SI: variants seen among roughly 807,000 people sequenced by gnomAD.
The protein encoded by SI is sucrase-isomaltase, intestinal.
SI carries 235 observed loss-of-function variants against 253.3 expected under a neutral mutation model. That is an observed-to-expected ratio of 0.93 (90% CI 0.83 to 1.03). The LOEUF is 1.03. Among genes scored for constraint, SI ranks in the 50% least tolerant of loss-of-function variants. The pLI is 0.00. For missense variants in SI, 2,442 were observed against 2,211.1 expected (o/e 1.10, Z -2.09); for synonymous variants, 819 against 712.0 (o/e 1.15, Z -2.39).
chr3:165,034,436 G>A (rs999338311), intron 22 of SI, among the ~76,000 whole-genome samples: 2 of 151,860 alleles, frequency 1.3e-5, no homozygotes, highest in African/African-American at 4.8e-5. Context: ...ATCAATGGAG[G>A]TATTATCTCA....
chr3:165,045,478 C>T (rs1003069366), intron 16 of SI, among the ~76,000 whole-genome samples: 4 of 151,814 alleles, frequency 2.6e-5, no homozygotes. Flanking sequence ...CTTTTTTTAA[C>T]AAATATGCTA....
chr3:164,985,807 C>T (rs1717407013), intron 45 of SI, among the ~76,000 whole-genome samples: 1 of 151,920 alleles, frequency 6.6e-6, no homozygotes, highest in African/African-American at 2.4e-5. Context: ...ATAAAAATCT[C>T]CTATGGGAGA....
chr3:164,987,476 C>A (rs2108117637), intron 44 of SI, among the ~76,000 whole-genome samples: 1 of 152,228 alleles, frequency 6.6e-6, no homozygotes, highest in African/African-American at 2.4e-5. Context: ...TTTGGGAGGC[C>A]AAGGCGGGTG....
chr3:165,046,932 G>T lies in SI; in HGVS notation c.1796C>A (p.Ala599Glu). The change falls in exon 16 of 48, where the codon GCG becomes GAG. Residue 599 changes from alanine (A) to glutamate (E), a missense_variant. Coordinates refer to ENST00000264382, the MANE Select transcript of SI (RefSeq NM_001041.4). ...STFAGSGRHA[A>E]HWLGDNTASW... ...AGCAGTATTGTCTCCTAACCAATGC[G>T]CAGCATGTCTTCCAGATCCAGCAAA... The T allele has an allele frequency of 6.2e-7, 1 of 1,612,472 alleles. No individual in the cohort carries two copies. Among genetic ancestry groups the T allele is most frequent in the South Asian group, 1.1e-5 (1 of 90,784 alleles).
intron 3 of SI, among the ~76,000 whole-genome samples, chr3:165,069,756 C>T (rs1368588198): frequency 6.6e-6 from 1 of 151,650 alleles, no homozygotes; most frequent in African/African-American, 2.4e-5. Flanking sequence ...ACTGAATTCT[C>T]AGTAATTTTA....
At chr3:165,037,025 T>C (rs1244400084) in intron 21 of SI, among the ~76,000 whole-genome samples, 1 of 151,806 alleles carries the variant, frequency 6.6e-6, no homozygotes, top group East Asian at 1.9e-4. Context: ...TAGGATGTAT[T>C]CCTTCCAGTA....
intron 43 of SI, 131 bp from the exon 44 acceptor site, chr3:164,991,608 GA>G (rs1717738124): frequency 2.1e-6 from 2 of 974,534 alleles, no homozygotes; most frequent in Non-Finnish European, 3.1e-6. Flanking sequence ...CATTTATTCA[GA>G]AAATCTTAAT....
chr3:165,090,149 T>TA, the SI span, among the ~76,000 whole-genome samples: 1,366 of 144,070 alleles, frequency 9.5e-3, 7 homozygotes, highest in Middle Eastern at 0.025. Context: ...TGCATTTATT[T>TA]AAAAAAAAAA....
At chr3:165,078,005 T>C (rs1454199318) in intron 1 of SI, among the ~76,000 whole-genome samples, 1 of 151,608 alleles carries the variant, frequency 6.6e-6, no homozygotes, top group Non-Finnish European at 1.5e-5. Context: ...AACAACTTGA[T>C]GAATGATCTT....
chr3:165,076,205 TATACTG>T (rs1360985853), intron 1 of SI, among the ~76,000 whole-genome samples, 193 bp from the exon 2 acceptor site: 2 of 151,742 alleles, frequency 1.3e-5, no homozygotes, highest in Non-Finnish European at 2.9e-5. Context: ...ACCTGAAACT[TATACTG>T]ATATAAAATG....
intron 28 of SI, 78 bp from the exon 29 acceptor site, chr3:165,018,144 A>G: frequency 1.1e-6 from 1 of 876,026 alleles, no homozygotes; most frequent in South Asian, 1.4e-5. Context: ...TTTAAAATTT[A>G]TTATACAATC....
intron 37 of SI, among the ~76,000 whole-genome samples, chr3:165,000,720 G>A (rs1187849491): frequency 2.6e-5 from 4 of 151,236 alleles, no homozygotes; most frequent in African/African-American, 4.8e-5. Flanking sequence ...GTTCAAACAC[G>A]GTAAATATAT....
intron 2 of SI, among the ~76,000 whole-genome samples, chr3:165,074,948 A>C (rs1714854455): frequency 6.6e-6 from 1 of 150,838 alleles, no homozygotes; most frequent in African/African-American, 2.4e-5. Context: ...TTCAGAAGGT[A>C]ACAAAATATA....
chr3:165,074,848 C>A (rs1484744149), intron 2 of SI, among the ~76,000 whole-genome samples, 181 bp from the exon 3 acceptor site: 1 of 151,916 alleles, frequency 6.6e-6, no homozygotes, highest in Non-Finnish European at 1.5e-5. Context: ...AGGAAAAGAT[C>A]CAATCATACT....
chr3:164,998,520 A>G lies in SI; in HGVS notation c.4540+20T>C. On this transcript the variant is annotated intron_variant, in intron 38 of 47. Transcript: ENST00000264382. ...AATAGAAAACACAAAATAATAATAA[A>G]GATGGTGACTTTCACTTACCAATGA... 6.2e-7 allele frequency: 1 copy of G among 1,610,480 alleles called. No homozygotes were observed. Among genetic ancestry groups the G allele is most frequent in the East Asian group, 2.2e-5 (1 of 44,762 alleles).
In SI at chr3:165,029,270, TA is replaced by T. The variant is rs547091514; in HGVS notation, c.2892+1441del. ...TTCAAGAATGGCCATAATCAAAAAA[TA>T]AAAAAAAAATAGATGTTGGCATGGA... On this transcript the variant is annotated intron_variant, in intron 25 of 47. Coordinates refer to ENST00000264382, the MANE Select transcript of SI (RefSeq NM_001041.4). Among the ~76,000 whole-genome samples the T allele has an allele frequency of 1.2e-3, 172 of 143,734 alleles. 1 individual carries two copies. The highest frequency in any genetic ancestry group is 4.0e-3 in the African/African-American group (157 of 39,432). The allele number at this position is 143,734 out of a possible 152,430, so 94.3% of individuals were successfully genotyped here.
chr3:165,065,470 T>G (rs1576919518), intron 6 of SI, 38 bp from the exon 7 acceptor site: 10 of 225,884 alleles, frequency 4.4e-5, no homozygotes, highest in Admixed American at 1.7e-4. Flanking sequence ...ATCTAATATA[T>G]ATATATATAT....
chr3:165,055,140 A>T, intron 13 of SI, 54 bp downstream of exon 13: 1 of 1,016,878 alleles, frequency 9.8e-7, no homozygotes, highest in African/African-American at 1.6e-5. Flanking sequence ...ATTTTTACAG[A>T]TAAATAAGTC....
chr3:165,032,060 G>C (rs1159425571), intron 24 of SI, among the ~76,000 whole-genome samples: 1 of 151,110 alleles, frequency 6.6e-6, no homozygotes, highest in African/African-American at 2.4e-5. Context: ...ATTAAAGTTA[G>C]AAAAGTACAA....
Sources: gnomAD v4.1 joint callset for allele counts (sites outside exome capture counted in the v4.1 genomes callset) on GRCh38, gnomAD v4.1.1 for gene constraint, MANE v1.5 for transcripts, NCBI Gene and HGNC (gene_info 2026-07-23, HGNC 2026-07-21) for gene names.